The following CNTN3 variants were observed in gnomAD, a reference collection of about 807,000 sequenced individuals.
The protein encoded by CNTN3 is contactin-3.
CNTN3 carries 60 observed loss-of-function variants against 119.1 expected under a neutral mutation model. That is an observed-to-expected ratio of 0.50 (90% CI 0.41 to 0.62). The LOEUF is 0.62. CNTN3 is among the 20% of genes least tolerant of loss of function. The pLI is 0.00. For synonymous variants in CNTN3, 450 were observed against 438.7 expected (o/e 1.03, Z -0.32); for missense variants, 1,101 against 1,242.4 (o/e 0.89, Z 1.71).
chr3:74,428,252 A>G (rs953271180), intron 4 of CNTN3, among the ~76,000 whole-genome samples: 8 of 151,976 alleles, frequency 5.3e-5, no homozygotes, highest in African/African-American at 1.9e-4. Flanking sequence ...TTTAGAATAT[A>G]TTACTTCTAT....
At position 74,264,313 on chromosome 3, in the gene CNTN3, A is replaced by T; in HGVS notation, c.*88T>A. Reference sequence around the variant, plus strand: ...GTAGAAAGTTAAAAATAAGAGTTGAAAAAAACATGCATAATCACTGCATTT... The same window carrying T: ...GTAGAAAGTTAAAAATAAGAGTTGATAAAAACATGCATAATCACTGCATTT... On this transcript the variant is annotated 3_prime_UTR_variant, in exon 23 of 23. Transcript: ENST00000263665. The T allele has an allele frequency of 3.7e-6, 2 of 540,050 alleles. No individual in the cohort carries two copies. Among genetic ancestry groups the T allele is most frequent in the Non-Finnish European group, 6.2e-6 (2 of 324,470 alleles). The allele number at this position is 540,050 out of a possible 1,614,324, so 33.5% of individuals were successfully genotyped here.
At chr3:74,484,897 G>C (rs1433299056) in intron 4 of CNTN3, among the ~76,000 whole-genome samples, 1 of 151,924 alleles carries the variant, frequency 6.6e-6, no homozygotes, top group African/African-American at 2.4e-5. Flanking sequence ...AAATGAAAAA[G>C]CATGAAACAT....
intron 13 of CNTN3, among the ~76,000 whole-genome samples, chr3:74,318,151 T>G (rs1702882220): frequency 6.6e-6 from 1 of 152,236 alleles, no homozygotes; most frequent in Non-Finnish European, 1.5e-5. Flanking sequence ...GTTTCTGCAT[T>G]CTTCACGTAG....
chr3:74,394,281 T>C (rs1024510319), intron 5 of CNTN3, among the ~76,000 whole-genome samples: 2 of 152,166 alleles, frequency 1.3e-5, no homozygotes, highest in African/African-American at 4.8e-5. Flanking sequence ...GGAAATAATA[T>C]ATAGTGAGTC....
intron 1 of CNTN3, among the ~76,000 whole-genome samples, chr3:74,564,812 G>A (rs1032986589): frequency 6.6e-6 from 1 of 151,816 alleles, no homozygotes; most frequent in Admixed American, 6.6e-5. Context: ...CTCTCTCTCT[G>A]CTTAAACAGC....
rs1315284659 is a variant in CNTN3, at chr3:74,614,495, G to C, written c.-185C>G. Among the ~76,000 whole-genome samples the C allele has an allele frequency of 1.4e-5, 2 of 146,020 alleles. No individual in the cohort carries two copies. Among genetic ancestry groups the C allele is most frequent in the South Asian group, 2.1e-4 (1 of 4,770 alleles). On this transcript the variant is annotated 5_prime_UTR_variant, in exon 1 of 23. Coordinates refer to ENST00000263665, the MANE Select transcript of CNTN3 (RefSeq NM_020872.3). Reference sequence around the variant, plus strand: ...CGCCGCCGCAGTTAGTCCGGGCCCGGGGGGCCGCCGTGCGCGCCCGCGTAA... The same window carrying C: ...CGCCGCCGCAGTTAGTCCGGGCCCGCGGGGCCGCCGTGCGCGCCCGCGTAA...
At chr3:74,542,099 T>C (rs1476947077) in intron 1 of CNTN3, among the ~76,000 whole-genome samples, 2 of 152,144 alleles carry the variant, frequency 1.3e-5, no homozygotes, top group Non-Finnish European at 2.9e-5. Context: ...CCAGGCATGG[T>C]GGTGCCCACC....
At chr3:74,501,792 A>AC (rs1175808479) in intron 2 of CNTN3, among the ~76,000 whole-genome samples, 1 of 558 alleles carries the variant, frequency 1.8e-3, no homozygotes, top group African/African-American at 3.3e-3. Flanking sequence ...TTGCCAAAGG[A>AC]AAAAAAAAAA....
chr3:74,596,594 C>T (rs1184994794), intron 1 of CNTN3, among the ~76,000 whole-genome samples: 2 of 152,056 alleles, frequency 1.3e-5, no homozygotes, highest in South Asian at 2.1e-4. Flanking sequence ...GGAAAGGATT[C>T]CCTATTTAAT....
At chr3:74,580,117 C>T (rs73842128) in intron 1 of CNTN3, among the ~76,000 whole-genome samples, 7,040 of 152,186 alleles carry the variant, frequency 0.046, 302 homozygotes, top group African/African-American at 0.11. Flanking sequence ...TATACATTAT[C>T]GGTATAAACC....
intron 1 of CNTN3, among the ~76,000 whole-genome samples, chr3:74,612,040 G>T (rs909356113): frequency 1.3e-5 from 2 of 152,200 alleles, no homozygotes; most frequent in Admixed American, 6.5e-5. Context: ...GCGATATACA[G>T]ATCTGACAGT....
intron 4 of CNTN3, among the ~76,000 whole-genome samples, chr3:74,440,673 T>C (rs1323834700): frequency 6.6e-6 from 1 of 152,150 alleles, no homozygotes; most frequent in African/African-American, 2.4e-5. Flanking sequence ...TTTTTTTTAC[T>C]TTAAGTACTG....
chr3:74,347,163 G>A (rs905569311), intron 11 of CNTN3, among the ~76,000 whole-genome samples: 1 of 152,158 alleles, frequency 6.6e-6, no homozygotes, highest in Non-Finnish European at 1.5e-5. Context: ...GTGATCATTA[G>A]GTAGGAAATA....
chr3:74,446,407 C>T (rs1469885359), intron 4 of CNTN3, among the ~76,000 whole-genome samples: 2 of 151,444 alleles, frequency 1.3e-5, no homozygotes, highest in African/African-American at 2.4e-5. Context: ...CAATATAATT[C>T]GTGTGTGTGT....
At chr3:74,304,283 AC>A (rs1702516190) in intron 13 of CNTN3, among the ~76,000 whole-genome samples, 1 of 152,186 alleles carries the variant, frequency 6.6e-6, no homozygotes, top group Non-Finnish European at 1.5e-5. Context: ...TCAAGTTAAA[AC>A]TTTTTTCTTT....
At chr3:74,316,249 T>C (rs1702827940) in intron 13 of CNTN3, among the ~76,000 whole-genome samples, 1 of 152,182 alleles carries the variant, frequency 6.6e-6, no homozygotes. Context: ...TCATCATCAC[T>C]AATCACCAGA....
intron 5 of CNTN3, among the ~76,000 whole-genome samples, chr3:74,418,939 C>T (rs1185723162): frequency 2.0e-5 from 3 of 151,246 alleles, no homozygotes; most frequent in South Asian, 2.1e-4. Flanking sequence ...TAGGTGCACG[C>T]ACCACCATGC....
At chr3:74,569,555 G>A (rs995649295) in intron 1 of CNTN3, among the ~76,000 whole-genome samples, 1 of 152,190 alleles carries the variant, frequency 6.6e-6, no homozygotes, top group African/African-American at 2.4e-5. Flanking sequence ...TGAAAATGAA[G>A]AGAGATACAC....
At chr3:74,405,163 T>C (rs575809753) in intron 5 of CNTN3, among the ~76,000 whole-genome samples, 1 of 152,174 alleles carries the variant, frequency 6.6e-6, no homozygotes, top group Admixed American at 6.5e-5. Flanking sequence ...TTTATCTTAG[T>C]ACCTGAATAA....
Sources: gnomAD v4.1 joint callset for allele counts (sites outside exome capture counted in the v4.1 genomes callset) on GRCh38, gnomAD v4.1.1 for gene constraint, MANE v1.5 for transcripts, NCBI Gene and HGNC (gene_info 2026-07-23, HGNC 2026-07-21) for gene names.